The following LRRC4C variants were observed in gnomAD, a reference collection of about 807,000 sequenced individuals.
LRRC4C encodes leucine-rich repeat-containing protein 4C.
In LRRC4C, 5 loss-of-function variants were observed where a neutral mutation model predicts 33.6. The ratio of observed to expected loss-of-function variants is 0.15; its 90% CI spans 0.08 to 0.31. LRRC4C has a LOEUF of 0.31. Ranked by LOEUF, LRRC4C falls within the 10% of genes least tolerant of loss-of-function variation. The pLI is 1.00. For missense variants in LRRC4C, 560 were observed against 796.7 expected (o/e 0.70, Z 3.58); for synonymous variants, 329 against 302.0 (o/e 1.09, Z -0.93).
At chr11:40,151,125 T>C (rs889538888) in intron 5 of LRRC4C, among the ~76,000 whole-genome samples, 22 of 152,174 alleles carry the variant, frequency 1.4e-4, no homozygotes, top group African/African-American at 4.3e-4. Flanking sequence ...CTCTTTCTAG[T>C]TTTTGTGGCA....
intron 2 of LRRC4C, among the ~76,000 whole-genome samples, chr11:40,888,224 T>C (rs1176139466): frequency 6.6e-6 from 1 of 151,910 alleles, no homozygotes; most frequent in East Asian, 1.9e-4. Context: ...GAGCATTTGT[T>C]TTCTCCCATA....
chr11:40,280,948 G>A (rs1248152200), intron 4 of LRRC4C, among the ~76,000 whole-genome samples: 1 of 152,064 alleles, frequency 6.6e-6, no homozygotes, highest in Non-Finnish European at 1.5e-5. Flanking sequence ...TTTGGAGTTG[G>A]AATTTTTTGT....
chr11:41,015,840 GA>G (rs199992895), intron 1 of LRRC4C, among the ~76,000 whole-genome samples: 3 of 150,630 alleles, frequency 2.0e-5, no homozygotes, highest in South Asian at 2.1e-4. Flanking sequence ...TTAAAAACAA[GA>G]AAAAAAAAAT....
chr11:40,542,175 A>G (rs993269010), intron 3 of LRRC4C, among the ~76,000 whole-genome samples: 2 of 151,816 alleles, frequency 1.3e-5, no homozygotes, highest in Non-Finnish European at 2.9e-5. Flanking sequence ...AACTTACTTA[A>G]ATCCTATATT....
intron 5 of LRRC4C, among the ~76,000 whole-genome samples, chr11:40,149,129 C>G (rs1857982380): frequency 6.6e-6 from 1 of 152,150 alleles, no homozygotes; most frequent in East Asian, 1.9e-4. Flanking sequence ...CAGCTTTGTT[C>G]TTTAAATGCC....
At chr11:40,855,807 T>G (rs61886577) in intron 2 of LRRC4C, among the ~76,000 whole-genome samples, 6,326 of 152,080 alleles carry the variant, frequency 0.042, 282 homozygotes, top group African/African-American at 0.11. Flanking sequence ...TAAACTTAAC[T>G]TAAAGGTACA....
At chr11:40,594,376 T>C (rs1276984813) in intron 3 of LRRC4C, among the ~76,000 whole-genome samples, 2 of 152,220 alleles carry the variant, frequency 1.3e-5, no homozygotes, top group African/African-American at 4.8e-5. Flanking sequence ...TCAGAGATAC[T>C]GGGGACCTTG....
intron 1 of LRRC4C, among the ~76,000 whole-genome samples, chr11:40,948,595 C>T (rs1194076214): frequency 1.4e-5 from 2 of 144,508 alleles, no homozygotes; most frequent in Admixed American, 7.1e-5. Flanking sequence ...TCAATTCCCA[C>T]CTATGAGTGA....
chr11:40,476,600 T>A (rs565010360), intron 3 of LRRC4C, among the ~76,000 whole-genome samples: 4 of 152,248 alleles, frequency 2.6e-5, no homozygotes, highest in African/African-American at 9.6e-5. Flanking sequence ...CGCCTCAGCC[T>A]CCCAAAGTGC....
At chr11:40,496,714 T>C (rs1009980308) in intron 3 of LRRC4C, among the ~76,000 whole-genome samples, 4 of 152,084 alleles carry the variant, frequency 2.6e-5, no homozygotes, top group Non-Finnish European at 5.9e-5. Context: ...AATGGGGAGA[T>C]AGAAACATAT....
At chr11:40,161,083 A>T (rs1859113815) in intron 5 of LRRC4C, among the ~76,000 whole-genome samples, 1 of 152,212 alleles carries the variant, frequency 6.6e-6, no homozygotes, top group Non-Finnish European at 1.5e-5. Context: ...GAAAGTTTTC[A>T]TCTAGGAACA....
At chr11:41,171,617 G>A in intron 1 of LRRC4C, among the ~76,000 whole-genome samples, 1 of 147,918 alleles carries the variant, frequency 6.8e-6, no homozygotes, top group South Asian at 2.2e-4. Context: ...GGCGGGAGGG[G>A]GGAGGGATAG....
intron 2 of LRRC4C, among the ~76,000 whole-genome samples, chr11:40,793,630 C>T (rs1046006569): frequency 6.6e-6 from 1 of 152,028 alleles, no homozygotes; most frequent in Non-Finnish European, 1.5e-5. Flanking sequence ...CAAGTAAATC[C>T]CAGTTTTATT....
chr11:40,898,353 C>CAAAAAAAAAAAAAA lies in LRRC4C; in HGVS notation c.-407+35268_-407+35281dup, dbSNP rs765252333. Among the ~76,000 whole-genome samples the CAAAAAAAAAAAAAA allele has an allele frequency of 5.0e-3, 189 of 38,022 alleles. 7 individuals carry two copies. The highest frequency in any genetic ancestry group is 0.013 in the African/African-American group (122 of 9,530). 24.9% of individuals were successfully genotyped at this position (38,022 alleles called of 152,430 possible). A position where few individuals can be genotyped will look rare whatever the true frequency, so the allele number is the denominator to read the frequency against. The stretch of plus-strand genomic sequence containing the variant: ...GGGCAACAAGAGTGAAACTCCATCT[C>CAAAAAAAAAAAAAA]AAAAAAAAAAAAAAAAAAAGAAAAA... On this transcript the variant is annotated intron_variant, in intron 2 of 6. Coordinates refer to ENST00000528697, the MANE Select transcript of LRRC4C (RefSeq NM_001258419.2).
At chr11:41,297,734 G>A (rs1778757760) in intron 1 of LRRC4C, among the ~76,000 whole-genome samples, 2 of 151,836 alleles carry the variant, frequency 1.3e-5, no homozygotes, top group African/African-American at 4.8e-5. Flanking sequence ...CCTAAACCAT[G>A]GCAAAATTTT....
intron 1 of LRRC4C, among the ~76,000 whole-genome samples, chr11:41,060,239 T>C (rs1937654881): frequency 6.6e-6 from 1 of 152,210 alleles, no homozygotes; most frequent in Admixed American, 6.5e-5. Flanking sequence ...GCTCAATCTC[T>C]ATCTTTAACT....
intron 2 of LRRC4C, among the ~76,000 whole-genome samples, chr11:40,790,152 A>G (rs1247792235): frequency 6.6e-6 from 1 of 152,210 alleles, no homozygotes; most frequent in East Asian, 1.9e-4. Flanking sequence ...TACCCACAGA[A>G]AATATTTCGT....
At chr11:40,732,624 T>G (rs921553801) in intron 2 of LRRC4C, among the ~76,000 whole-genome samples, 1 of 152,216 alleles carries the variant, frequency 6.6e-6, no homozygotes, top group Admixed American at 6.5e-5. Flanking sequence ...ATGCATAGTC[T>G]CAGTCCACAT....
chr11:40,762,101 A>AT (rs1476382218), intron 2 of LRRC4C, among the ~76,000 whole-genome samples: 2 of 152,146 alleles, frequency 1.3e-5, no homozygotes, highest in South Asian at 2.1e-4. Context: ...GGAATTGGCT[A>AT]TTTTTTCTGC....
Sources: allele counts gnomAD v4.1 joint callset (sites outside exome capture counted in the v4.1 genomes callset), GRCh38; gene constraint gnomAD v4.1.1; transcripts MANE v1.5; gene names NCBI Gene and HGNC (gene_info 2026-07-23, HGNC 2026-07-21).